Variants in MBD5 observed in about 807,000 individuals in gnomAD.
MBD5 encodes methyl-CpG binding domain protein 5.
In MBD5, 13 loss-of-function variants were observed where a neutral mutation model predicts 117.3. The ratio of observed to expected loss-of-function variants is 0.11; its 90% CI spans 0.07 to 0.18. MBD5 has a LOEUF of 0.18. MBD5 is among the 10% of genes least tolerant of loss of function. MBD5 has a pLI of 1.00. For missense variants in MBD5, 1,879 were observed against 2,093.8 expected, an observed-to-expected ratio of 0.90 and a Z score of 2.00; for synonymous variants, 727 against 766.4, an observed-to-expected ratio of 0.95 and a Z score of 0.85.
At chr2:148,294,501 G>GTTTTTTGTTTTTTGTTTTTTGTT (rs1701589843) in intron 3 of MBD5, among the ~76,000 whole-genome samples, 5 of 113,216 alleles carry the variant, frequency 4.4e-5, no homozygotes, top group African/African-American at 1.8e-4. Flanking sequence ...TGGGATTACA[G>GTTTTTTGTTTTTTGTTTTTTGTT]TTTTTTTTTT....
At chr2:148,474,818 A>G (rs933377038) in intron 8 of MBD5, among the ~76,000 whole-genome samples, 9 of 152,164 alleles carry the variant, frequency 5.9e-5, no homozygotes, top group Non-Finnish European at 8.8e-5. Context: ...GTATAAGACA[A>G]TGGAATAGTG....
At chr2:148,028,676 T>G (rs539598142) in intron 1 of MBD5, 2 of 152,062 alleles carry the variant, frequency 1.3e-5, no homozygotes, top group African/African-American at 4.8e-5. Flanking sequence ...AAAGCAAATA[T>G]TGATTTTTAA....
chr2:148,063,534 T>C (rs2105010581), intron 1 of MBD5, among the ~76,000 whole-genome samples: 1 of 143,780 alleles, frequency 7.0e-6, no homozygotes, highest in South Asian at 2.2e-4. Flanking sequence ...TGAATGAGCA[T>C]TGCTATTTTC....
In MBD5 at chr2:148,367,777, G is replaced by A. The variant is rs185759438; in HGVS notation, c.-557+25441G>A. 3.9e-5 allele frequency among the ~76,000 whole-genome samples: 6 copies of A among 152,242 alleles called. No homozygotes were observed. The South Asian group carries it at 6.2e-4, about 16-fold the overall frequency. ...GAAATGCAAATTAAAACCACAATGA[G>A]ATAGCATTTCACACCAGTTAGAATG... On this transcript the variant is annotated intron_variant, in intron 4 of 13. Transcript: ENST00000642680.
chr2:148,460,209 C>T (rs1169436511), intron 5 of MBD5: 1 of 151,658 alleles, frequency 6.6e-6, no homozygotes, highest in Non-Finnish European at 1.5e-5. Flanking sequence ...CCTTTTTGTT[C>T]CTATGAAAGA....
At chr2:148,456,766 A>G (rs1706896242) in intron 4 of MBD5, among the ~76,000 whole-genome samples, 1 of 152,068 alleles carries the variant, frequency 6.6e-6, no homozygotes, top group Non-Finnish European at 1.5e-5. Context: ...TATTTTCCCC[A>G]TTGCCTGCCA....
At chr2:148,097,097 C>T (rs1453406362) in intron 1 of MBD5, among the ~76,000 whole-genome samples, 1 of 151,828 alleles carries the variant, frequency 6.6e-6, no homozygotes, top group African/African-American at 2.4e-5. Context: ...CTTATTATAA[C>T]TGATATTTAT....
chr2:148,222,865 G>T (rs13395717), intron 2 of MBD5, among the ~76,000 whole-genome samples: 19,484 of 151,968 alleles, frequency 0.13, 1,412 homozygotes, highest in Admixed American at 0.16. Flanking sequence ...TTATACAAAA[G>T]GCTTTTAGCT....
At position 148,146,350 on chromosome 2, in the gene MBD5, C is replaced by G. The variant is rs79949256; in HGVS notation, c.-924-32350C>G. On this transcript the variant is annotated intron_variant, in intron 1 of 13. Coordinates refer to ENST00000642680, the MANE Select transcript of MBD5 (RefSeq NM_001378120.1). ...CATGGCTCACTGCAGCCTCAACCTC[C>G]CTGGCTCAAGTGATCCTCTCTATAG... Among the ~76,000 whole-genome samples the G allele has an allele frequency of 1.4e-4, 22 of 152,186 alleles. No homozygotes were observed. The East Asian group carries it at 3.9e-3, about 27-fold the overall frequency.
At chr2:148,493,700 TAGAA>T (rs762246629) in intron 11 of MBD5, among the ~76,000 whole-genome samples, 22 of 152,232 alleles carry the variant, frequency 1.4e-4, no homozygotes, top group Admixed American at 2.6e-4. Context: ...CTTATGATCT[TAGAA>T]AGGCCTTTTT....
At chr2:148,318,720 T>C (rs1278436967) in intron 3 of MBD5, among the ~76,000 whole-genome samples, 2 of 152,062 alleles carry the variant, frequency 1.3e-5, no homozygotes, top group Non-Finnish European at 1.5e-5. Context: ...TTCTCCAGTG[T>C]ATTTTGGTTT....
intron 3 of MBD5, among the ~76,000 whole-genome samples, chr2:148,241,414 C>G (rs1354626653): frequency 6.6e-6 from 1 of 152,116 alleles, no homozygotes; most frequent in African/African-American, 2.4e-5. Flanking sequence ...TGATGGGGTT[C>G]AAACTCGAAA....
intron 1 of MBD5, among the ~76,000 whole-genome samples, chr2:148,105,661 T>G (rs986765736): frequency 2.6e-5 from 4 of 152,126 alleles, no homozygotes; most frequent in African/African-American, 9.6e-5. Context: ...TTCTTGTCAG[T>G]TTCATTTTAT....
rs772158590 is a variant in MBD5 at position 148,257,246 on chromosome 2, A to G, written c.-680+23851A>G. Reference sequence around the variant, plus strand: ...AATAGGCGCCCCTGGTCCACTACCCATAGGGCTTATGCCTGCTGAATAGCC... The same window carrying G: ...AATAGGCGCCCCTGGTCCACTACCCGTAGGGCTTATGCCTGCTGAATAGCC... On this transcript the variant is annotated intron_variant, in intron 3 of 13. Transcript: ENST00000642680. 1.3e-4 allele frequency among the ~76,000 whole-genome samples: 20 copies of G among 152,334 alleles called. 1 individual carries two copies. The South Asian group carries it at 3.5e-3, about 27-fold the overall frequency.
rs1350707005 is a variant in MBD5 at position 148,461,271 on chromosome 2, T to A, written c.114-1311T>A. Among the ~76,000 whole-genome samples the A allele has an allele frequency of 2.0e-5, 3 of 152,064 alleles. No individual in the cohort carries two copies. In the East Asian group the frequency reaches 5.8e-4, roughly 29 times the overall value. ...TGAAATCACCAGACCTCCAAAGACA[T>A]CTTGTTGCCCTTCCCTGCAGTGGTT... On this transcript the variant is annotated intron_variant, in intron 5 of 13. Coordinates refer to ENST00000642680, the MANE Select transcript of MBD5 (RefSeq NM_001378120.1).
chr2:148,137,137 C>T (rs550948848), intron 1 of MBD5, among the ~76,000 whole-genome samples: 2 of 152,262 alleles, frequency 1.3e-5, no homozygotes, highest in East Asian at 3.9e-4. Context: ...CTTTATACCC[C>T]TTGCCCAAGT....
intron 1 of MBD5, among the ~76,000 whole-genome samples, chr2:148,099,527 G>A (rs990728309): frequency 3.9e-5 from 6 of 152,066 alleles, no homozygotes; most frequent in Non-Finnish European, 7.4e-5. Context: ...GCAATTTTGG[G>A]CATTTTGGAG....
At chr2:148,413,060 A>AT (rs1705312381) in intron 4 of MBD5, among the ~76,000 whole-genome samples, 1 of 151,890 alleles carries the variant, frequency 6.6e-6, no homozygotes, top group Non-Finnish European at 1.5e-5. Context: ...AGGTTTCCAG[A>AT]TTTTGCTCAT....
chr2:148,229,658 C>T (rs1278026875), intron 2 of MBD5, among the ~76,000 whole-genome samples: 1 of 152,104 alleles, frequency 6.6e-6, no homozygotes, highest in East Asian at 1.9e-4. Context: ...TCCAGATATT[C>T]AAAAGGACTT....
Sources: gnomAD v4.1 joint callset for allele counts (sites outside exome capture counted in the v4.1 genomes callset) on GRCh38, gnomAD v4.1.1 for gene constraint, MANE v1.5 for transcripts, NCBI Gene and HGNC (gene_info 2026-07-23, HGNC 2026-07-21) for gene names.